Variants in CLUAP1 observed in about 807,000 individuals in gnomAD.
CLUAP1 encodes the protein clusterin-associated protein 1.
CLUAP1 carries 50 observed loss-of-function variants against 55.0 expected under a neutral mutation model. The ratio of observed to expected loss-of-function variants is 0.91; its 90% CI spans 0.72 to 1.15. CLUAP1 has a LOEUF of 1.15. Ranked by LOEUF, CLUAP1 falls within the 50% of genes most tolerant of loss-of-function variation. The pLI, the probability that CLUAP1 is intolerant of heterozygous loss-of-function variation, is 0.00. For synonymous variants in CLUAP1, 195 were observed against 175.4 expected, an observed-to-expected ratio of 1.11 and a Z score of -0.88; for missense variants, 530 against 507.6, an observed-to-expected ratio of 1.04 and a Z score of -0.42.
chr16:3,512,511 A>C (rs1443852652), intron 5 of CLUAP1, 33 bp downstream of exon 5: 1 of 1,509,776 alleles, frequency 6.6e-7, no homozygotes, highest in Non-Finnish European at 9.2e-7. Context: ...AACCATGCAG[A>C]TTTTCTCTTC....
At chr16:3,515,612 TATA>T (rs1425792053) in intron 6 of CLUAP1, 21 bp downstream of exon 6, 2 of 1,523,310 alleles carry the variant, frequency 1.3e-6, no homozygotes, top group East Asian at 4.6e-5. Context: ...TTTGCTTTTA[TATA>T]ATGTTTTTTA....
intron 4 of CLUAP1, among the ~76,000 whole-genome samples, chr16:3,509,394 C>T (rs2037574373): frequency 6.6e-6 from 1 of 152,230 alleles, no homozygotes; most frequent in East Asian, 1.9e-4. Flanking sequence ...CGTTGGGATC[C>T]AAGCGGAACC....
rs143354332 is a variant in CLUAP1 at position 3,510,394 on chromosome 16, C to T, written c.399+1926C>T. On this transcript the variant is annotated intron_variant, in intron 4 of 11. Transcript: ENST00000576634. ...AGGTGATCTGCCTGCCTCGGCCTCC[C>T]GTAGTGCTGGGATTATAGGCGTGAG... Among the ~76,000 whole-genome samples the T allele has an allele frequency of 4.6e-3, 694 of 152,158 alleles. 6 individuals are homozygous for T. Among genetic ancestry groups the T allele is most frequent in the African/African-American group, 0.016 (665 of 41,498 alleles).
intron 4 of CLUAP1, 90 bp from the exon 5 acceptor site, chr16:3,512,293 A>C: frequency 1.1e-6 from 1 of 941,216 alleles, no homozygotes; most frequent in Non-Finnish European, 1.7e-6. Context: ...GCCAGGAGTT[A>C]GAGAGCAGCC....
chr16:3,524,333 G>C (rs983828638), intron 8 of CLUAP1, among the ~76,000 whole-genome samples: 1 of 151,222 alleles, frequency 6.6e-6, no homozygotes, highest in African/African-American at 2.4e-5. Context: ...CGGGCGCGGT[G>C]GCTCACGCCT....
At chr16:3,525,474 C>T (rs1253258583) in intron 8 of CLUAP1, among the ~76,000 whole-genome samples, 1 of 152,154 alleles carries the variant, frequency 6.6e-6, no homozygotes, top group Non-Finnish European at 1.5e-5. Context: ...GCCGGAAACA[C>T]AGTGCTTTAT....
At chr16:3,506,301 C>T (rs776263435) in intron 2 of CLUAP1, 30 bp from the exon 3 acceptor site, 16 of 1,566,178 alleles carry the variant, frequency 1.0e-5, no homozygotes, top group South Asian at 7.8e-5. Context: ...TTGGTTAACC[C>T]GTGCTCTCTC....
At chr16:3,508,902 C>G (rs987776234) in intron 4 of CLUAP1, among the ~76,000 whole-genome samples, 3 of 141,118 alleles carry the variant, frequency 2.1e-5, no homozygotes, top group African/African-American at 8.7e-5. Context: ...CAGCAGAGAT[C>G]CAAGGGAGGG....
chr16:3,522,536 G>A (rs192832791), intron 7 of CLUAP1, among the ~76,000 whole-genome samples: 1 of 152,208 alleles, frequency 6.6e-6, no homozygotes, highest in Non-Finnish European at 1.5e-5. Flanking sequence ...TGTCTGGTAT[G>A]TGATTTTTTT....
Position 3,537,458 on chromosome 16 carries a change from C to G in CLUAP1, c.*1187C>G, listed in dbSNP as rs1252359145. ...CCAAGGTGGGAGGATCACTTGAGCC[C>G]AGGAGTTTTAGACTAGCCTGGACAA... is the stretch of plus-strand genomic sequence containing the variant. On this transcript the variant is annotated 3_prime_UTR_variant, in exon 12 of 12. Transcript: ENST00000576634. 4.0e-5 allele frequency: 6 copies of G among 151,844 alleles called. No individual in the cohort carries two copies. Among genetic ancestry groups the G allele is most frequent in the Non-Finnish European group, 8.8e-5 (6 of 68,014 alleles). 9.4% of individuals were successfully genotyped at this position (151,844 alleles called of 1,614,324 possible).
chr16:3,500,362 G>A (rs2037365405), upstream of CLUAP1, among the ~76,000 whole-genome samples: 1 of 148,998 alleles, frequency 6.7e-6, no homozygotes, highest in Admixed American at 6.7e-5. Context: ...CCTGAGTATA[G>A]TGCATTTTTT....
At chr16:3,518,313 G>C (rs564047769) in intron 6 of CLUAP1, among the ~76,000 whole-genome samples, 1 of 152,194 alleles carries the variant, frequency 6.6e-6, no homozygotes, top group African/African-American at 2.4e-5. Flanking sequence ...TATGTTAAAA[G>C]TAGAACACCC....
upstream of CLUAP1, among the ~76,000 whole-genome samples, chr16:3,497,500 T>A (rs2037327109): frequency 1.3e-5 from 2 of 152,324 alleles, no homozygotes; most frequent in Admixed American, 1.3e-4. Context: ...AAGTGCTCAG[T>A]ACAATTCTTA....
chr16:3,500,912 T>G, upstream of CLUAP1: 1 of 777,870 alleles, frequency 1.3e-6, no homozygotes. Context: ...CCCGTGCGTA[T>G]GCACGTGCCG....
chr16:3,519,811 G>A (rs1179052895), intron 6 of CLUAP1, 92 bp from the exon 7 acceptor site: 3 of 1,280,714 alleles, frequency 2.3e-6, no homozygotes, highest in Non-Finnish European at 3.2e-6. Context: ...TGAGCATAAT[G>A]TTGCTATGCC....
In CLUAP1 at chr16:3,530,632, G is replaced by T; in HGVS notation, c.993G>T (p.Arg331Ser). ...DDESDSELEE[R>S]RLPKPQTAME... is the part of the protein sequence containing the mutation. Reference sequence around the variant, plus strand: ...AATCCGACAGTGAGTTGGAAGAAAGGCGGCTGCCCAAGCCACAGACAGCCA... The same window carrying T: ...AATCCGACAGTGAGTTGGAAGAAAGTCGGCTGCCCAAGCCACAGACAGCCA... Residue 331 changes from arginine to serine, a missense_variant, in exon 10 of 12, where the codon AGG (arginine) becomes AGT (serine). Arg to Ser is a moderately radical substitution (Grantham distance 110). Transcript: ENST00000576634. 6.2e-7 allele frequency: 1 copy of T among 1,613,900 alleles called. No individual in the cohort carries two copies. Among genetic ancestry groups the T allele is most frequent in the Non-Finnish European group, 8.5e-7 (1 of 1,179,972 alleles).
At chr16:3,522,010 G>A (rs1044749089) in intron 7 of CLUAP1, among the ~76,000 whole-genome samples, 6 of 152,044 alleles carry the variant, frequency 3.9e-5, no homozygotes, top group African/African-American at 1.4e-4. Flanking sequence ...AGTAAGCCAT[G>A]ATCACACCAC....
intron 10 of CLUAP1, among the ~76,000 whole-genome samples, chr16:3,531,471 G>A (rs898495054): frequency 4.6e-5 from 7 of 151,758 alleles, no homozygotes; most frequent in African/African-American, 1.7e-4. Context: ...GCAGTGAGCC[G>A]AGATCACGCC....
chr16:3,532,687 A>G (rs866185390), intron 10 of CLUAP1, 99 bp from the exon 11 acceptor site: 6 of 1,312,688 alleles, frequency 4.6e-6, no homozygotes, highest in Middle Eastern at 1.8e-4. Context: ...GATTATACGC[A>G]AAAGCCAACA....
Sources: allele counts gnomAD v4.1 joint callset (sites outside exome capture counted in the v4.1 genomes callset), GRCh38; gene constraint gnomAD v4.1.1; transcripts MANE v1.5; gene names NCBI Gene and HGNC (gene_info 2026-07-23, HGNC 2026-07-21).